MSLN: variants seen among roughly 807,000 people sequenced by gnomAD.
The protein encoded by MSLN is CAK1 antigen.
In MSLN, 82 loss-of-function variants were observed where a neutral mutation model predicts 72.6. That is an observed-to-expected ratio of 1.13 (90% CI 0.94 to 1.36). The LOEUF (loss-of-function observed/expected upper bound fraction) is 1.36. Among genes scored for constraint, MSLN ranks in the 40% most tolerant of loss-of-function variants. The pLI, the probability that MSLN is intolerant of heterozygous loss-of-function variation, is 0.00. For missense variants in MSLN, 1,005 were observed against 847.9 expected (o/e 1.19, Z -2.30); for synonymous variants, 456 against 387.3 (o/e 1.18, Z -2.08).
In MSLN at chr16:768,663, C is replaced by T. The variant is rs528102974; in HGVS notation, c.1799C>T (p.Thr600Met). 4.0e-5 allele frequency: 64 copies of T among 1,610,944 alleles called. No homozygotes were observed. The highest frequency in any genetic ancestry group is 1.7e-4 in the Admixed American group (10 of 59,982). ...CTCTCTGTAGAGGCCCTCTCGGGGA[C>T]GCCCTGCCTCCTAGGACCTGGACCT... is the stretch of plus-strand genomic sequence containing the variant. ...DLSMQEALSG[T>M]PCLLGPGPVL... Residue 600 changes from threonine to methionine, a missense_variant, in exon 18 of 18, where the codon ACG (threonine) becomes ATG (methionine). Coordinates refer to ENST00000545450, the MANE Select transcript of MSLN (RefSeq NM_005823.6).
At chr16:764,445 G>A (rs941956415) in intron 6 of MSLN, among the ~76,000 whole-genome samples, 10 of 152,170 alleles carry the variant, frequency 6.6e-5, no homozygotes, top group Non-Finnish European at 1.5e-4. Flanking sequence ...GGGAGTGGGT[G>A]AGATCTGGGG....
chr16:765,409 C>T (rs1010538246), intron 9 of MSLN, 106 bp downstream of exon 9: 10 of 1,414,794 alleles, frequency 7.1e-6, no homozygotes, highest in African/African-American at 1.4e-5. Context: ...GTCACCCCCG[C>T]CACCACCCCT....
At chr16:763,836 G>C in intron 5 of MSLN, 145 bp downstream of exon 5, 1 of 86,832 alleles carries the variant, frequency 1.2e-5, no homozygotes, top group Non-Finnish European at 1.5e-5. Flanking sequence ...AGGACTGCGG[G>C]AGGGACTGAC....
In MSLN at chr16:768,015, TG is replaced by T. The variant is rs1204478116; in HGVS notation, c.1597-357del. 1.9e-4 allele frequency among the ~76,000 whole-genome samples: 3 copies of T among 15,924 alleles called. No homozygotes were observed. In the South Asian group the frequency reaches 0.012, roughly 63 times the overall value. The allele number at this position is 15,924 out of a possible 152,430, so 10.4% of individuals were successfully genotyped here. A position where few individuals can be genotyped will look rare whatever the true frequency, so the allele number is the denominator to read the frequency against. ...GGGCGCGTGGAGGAGGAGGGGCGCA[TG>T]GGGGGGTGTGGAGGGGGGCGCGTGG... On this transcript the variant is annotated intron_variant, in intron 16 of 17. Transcript: ENST00000545450.
rs143023160 is a variant in MSLN at position 768,657 on chromosome 16, C to T, written c.1793C>T (p.Ser598Leu). The T allele has an allele frequency of 8.2e-4, 1,314 of 1,611,074 alleles. No homozygotes were observed. Among genetic ancestry groups the T allele is most frequent in the Non-Finnish European group, 1.0e-3 (1,187 of 1,179,518 alleles). Residue 598 changes from serine to leucine, a missense_variant, in exon 18 of 18, where the codon TCG (serine) becomes TTG (leucine). Physicochemically the swap from Ser to Leu is moderately radical, Grantham distance 145 (BLOSUM62 -2). Coordinates refer to ENST00000545450, the MANE Select transcript of MSLN (RefSeq NM_005823.6). ...ACCCCTCTCTCTGTAGAGGCCCTCT[C>T]GGGGACGCCCTGCCTCCTAGGACCT... ...VLDLSMQEALSGTPCLLGPGP... is the reference protein window; with the variant it reads ...VLDLSMQEALLGTPCLLGPGP...
chr16:763,055 C>T (rs908285740), intron 3 of MSLN, among the ~76,000 whole-genome samples, 178 bp from the exon 4 acceptor site: 4 of 152,150 alleles, frequency 2.6e-5, no homozygotes, highest in Admixed American at 2.0e-4. Flanking sequence ...AGTCCCGACC[C>T]CTGTGCCTGG....
chr16:768,393 T>A lies in MSLN; in HGVS notation c.1611T>A (p.Ala537=), dbSNP rs1346960195. The change falls in exon 17 of 18, where the codon GCT becomes GCA. Residue 537 remains alanine, a synonymous_variant. Transcript: ENST00000545450. The part of the protein sequence containing the change: ...RTDAVLPLTV[A]EVQKLLGPHV... Reference sequence around the variant, plus strand: ...GTCTCTGGCAGCCGTTGACTGTGGCTGAGGTGCAGAAACTTCTGGGACCCC... The same window carrying A: ...GTCTCTGGCAGCCGTTGACTGTGGCAGAGGTGCAGAAACTTCTGGGACCCC... 3 of 1,507,974 alleles carry A rather than the reference T, an allele frequency of 2.0e-6. No individual in the cohort carries two copies. Among genetic ancestry groups the A allele is most frequent in the Non-Finnish European group, 2.7e-6 (3 of 1,127,038 alleles). The allele number at this position is 1,507,974 out of a possible 1,614,324, so 93.4% of individuals were successfully genotyped here. A position where few individuals can be genotyped will look rare whatever the true frequency, so the allele number is the denominator to read the frequency against.
chr16:767,146 C>G (rs1211950847), intron 15 of MSLN, 134 bp downstream of exon 15: 1 of 1,436,706 alleles, frequency 7.0e-7, no homozygotes, highest in Non-Finnish European at 9.5e-7. Context: ...CCCTCTGCCC[C>G]CCGGGGTGTG....
chr16:764,525 T>C (rs989272425), intron 6 of MSLN, 122 bp from the exon 7 acceptor site: 7 of 904,056 alleles, frequency 7.7e-6, no homozygotes, highest in African/African-American at 1.6e-5. Flanking sequence ...AGAGATCCAC[T>C]TCCACAGATT....
chr16:768,578 G>C lies in MSLN; in HGVS notation c.1783+13G>C. On this transcript the variant is annotated intron_variant, in intron 17 of 17. Coordinates refer to ENST00000545450, the MANE Select transcript of MSLN (RefSeq NM_005823.6). ...CTCAGCATGCAAGGTGGGCGGGGCG[G>C]CCAGGCCAGGGCTGGGGGCAGAGCT... is the stretch of plus-strand genomic sequence containing the variant. The C allele has an allele frequency of 6.2e-7, 1 of 1,608,028 alleles. No homozygotes were observed.
chr16:762,392 C>T (rs1352662434), intron 2 of MSLN: 1 of 478,628 alleles, frequency 2.1e-6, no homozygotes, highest in African/African-American at 2.1e-5. Context: ...TCACACTGCC[C>T]TGCCCTTCTG....
At chr16:762,275 G>A (rs992897234) in intron 2 of MSLN, among the ~76,000 whole-genome samples, 1 of 152,256 alleles carries the variant, frequency 6.6e-6, no homozygotes, top group Non-Finnish European at 1.5e-5. Context: ...GGAGAGGGAA[G>A]GGAGCCACAT....
At chr16:768,163 G>C (rs1342033664) in intron 16 of MSLN, among the ~76,000 whole-genome samples, 2 of 150,986 alleles carry the variant, frequency 1.3e-5, no homozygotes, top group Non-Finnish European at 3.0e-5. Flanking sequence ...CTGCAGTGGG[G>C]CGAGGCCTTA....
At chr16:766,585 CA>C (rs2041613178) in intron 13 of MSLN, 82 bp from the exon 14 acceptor site, 5 of 1,608,746 alleles carry the variant, frequency 3.1e-6, no homozygotes, top group Non-Finnish European at 4.2e-6. Flanking sequence ...GGCCTGGGGT[CA>C]GGGGCACGGC....
rs754893197 is a variant in MSLN, at chr16:762,735, G to T, written c.55G>T (p.Gly19Cys). 6.2e-7 allele frequency: 1 copy of T among 1,602,252 alleles called. No homozygotes were observed. Among genetic ancestry groups the T allele is most frequent in the South Asian group, 1.1e-5 (1 of 89,536 alleles). ...GGGGTCCTGTGGGACCCCCGCCCTCGGCAGCCTCCTGTTCCTGCTCTTCAG... is the reference window on the plus strand; with the variant it reads ...GGGGTCCTGTGGGACCCCCGCCCTCTGCAGCCTCCTGTTCCTGCTCTTCAG... Reference protein sequence around the residue: ...LLGSCGTPALGSLLFLLFSLG... With the variant: ...LLGSCGTPALCSLLFLLFSLG... The change falls in exon 3 of 18, where the codon GGC becomes TGC. Residue 19 changes from glycine (G) to cysteine (C), a missense_variant. Gly to Cys is a radical substitution (Grantham distance 159, BLOSUM62 -3). Transcript: ENST00000545450.
intron 16 of MSLN, among the ~76,000 whole-genome samples, chr16:767,931 TGGAGGGGTC>T: frequency 1.0e-4 from 1 of 9,934 alleles, no homozygotes; most frequent in Non-Finnish European, 1.5e-4. Flanking sequence ...AGGGGGCACG[TGGAGGGGTC>T]GCGTGGAGGA....
At chr16:764,534 T>A in intron 6 of MSLN, 113 bp from the exon 7 acceptor site, 1 of 936,620 alleles carries the variant, frequency 1.1e-6, no homozygotes, top group Non-Finnish European at 1.7e-6. Flanking sequence ...CTTCCACAGA[T>A]TCTCGTGGCC....
intron 3 of MSLN, 31 bp downstream of exon 3, chr16:762,796 G>A (rs778833584): frequency 6.5e-7 from 1 of 1,533,466 alleles, no homozygotes; most frequent in South Asian, 1.3e-5. Context: ...CTGGTGAGGT[G>A]GGGACGGCCC....
chr16:768,742 C>T lies in MSLN; in HGVS notation c.*9C>T, dbSNP rs377340254. On this transcript the variant is annotated 3_prime_UTR_variant, in exon 18 of 18. Coordinates refer to ENST00000545450, the MANE Select transcript of MSLN (RefSeq NM_005823.6). ...CCTCCACCCTGGCCTGAGGGCCCCACTCCCTTGCTGGCCCCAGCCCTGCTG... is the reference window on the plus strand; with the variant it reads ...CCTCCACCCTGGCCTGAGGGCCCCATTCCCTTGCTGGCCCCAGCCCTGCTG... 6.2e-6 allele frequency: 10 copies of T among 1,609,650 alleles called. No homozygotes were observed. In the Admixed American group the frequency reaches 1.2e-4, roughly 19 times the overall value.
Sources: gnomAD v4.1 joint callset for allele counts (sites outside exome capture counted in the v4.1 genomes callset) on GRCh38, gnomAD v4.1.1 for gene constraint, MANE v1.5 for transcripts, NCBI Gene and HGNC (gene_info 2026-07-23, HGNC 2026-07-21) for gene names.